PLCB1: variants seen among roughly 807,000 people sequenced by gnomAD.
PLCB1 encodes the protein phospholipase C beta 1.
A neutral mutation model predicts 161.8 loss-of-function variants in PLCB1; 46 were observed. The observed-to-expected ratio is 0.28, with a 90% CI of 0.22 to 0.36. The LOEUF (loss-of-function observed/expected upper bound fraction) is 0.36, where lower values mean the gene tolerates loss of function less well. Ranked by LOEUF, PLCB1 falls within the 10% of genes least tolerant of loss-of-function variation. PLCB1 has a pLI of 1.00. For synonymous variants in PLCB1, 517 were observed against 503.7 expected, an observed-to-expected ratio of 1.03 and a Z score of -0.35; for missense variants, 1,016 against 1,472.5, an observed-to-expected ratio of 0.69 and a Z score of 5.07.
At chr20:8,581,155 C>A (rs980951287) in intron 3 of PLCB1, among the ~76,000 whole-genome samples, 1 of 152,180 alleles carries the variant, frequency 6.6e-6, no homozygotes, top group African/African-American at 2.4e-5. Flanking sequence ...CTATGAAGGA[C>A]TTTAAGTTCT....
At chr20:8,199,957 A>C (rs1427353703) in intron 2 of PLCB1, among the ~76,000 whole-genome samples, 1 of 152,132 alleles carries the variant, frequency 6.6e-6, no homozygotes, top group Non-Finnish European at 1.5e-5. Context: ...ATACTGCCTA[A>C]GTTTACATAG....
intron 4 of PLCB1, among the ~76,000 whole-genome samples, chr20:8,630,634 T>G (rs1988555929): frequency 6.6e-6 from 1 of 152,198 alleles, no homozygotes; most frequent in East Asian, 1.9e-4. Context: ...AAAAAACAGA[T>G]TCTAAGTGTT....
rs1210093837 is a variant in PLCB1 at position 8,684,389 on chromosome 20, T to TG, written c.863-541dup. Among the ~76,000 whole-genome samples, 4 of 151,946 alleles carry TG rather than the reference T, an allele frequency of 2.6e-5. No homozygotes were observed. In the East Asian group the frequency reaches 7.7e-4, roughly 29 times the overall value. Reference sequence around the variant, plus strand: ...CTCCTGCCTCAGCCTCCTGAGTAGCTGGATTACAGGCGCCCACCATGCCCG... The same window carrying TG: ...CTCCTGCCTCAGCCTCCTGAGTAGCTGGGATTACAGGCGCCCACCATGCCCG... On this transcript the variant is annotated intron_variant, in intron 9 of 31. Transcript: ENST00000338037.
chr20:8,270,962 A>G (rs538889648), intron 2 of PLCB1, among the ~76,000 whole-genome samples: 1 of 152,118 alleles, frequency 6.6e-6, no homozygotes, highest in South Asian at 2.1e-4. Flanking sequence ...AACCTACGCA[A>G]ATATGGAAGA....
intron 23 of PLCB1, among the ~76,000 whole-genome samples, chr20:8,749,491 T>C (rs943555650): frequency 6.6e-6 from 1 of 152,228 alleles, no homozygotes; most frequent in Non-Finnish European, 1.5e-5. Flanking sequence ...ATCTCAAAGA[T>C]ATATTTCCAC....
chr20:8,719,767 G>A (rs1164848631), intron 14 of PLCB1, among the ~76,000 whole-genome samples: 4 of 151,940 alleles, frequency 2.6e-5, no homozygotes, highest in Non-Finnish European at 5.9e-5. Flanking sequence ...TTGCACTGTG[G>A]ACTTACGACG....
At chr20:8,306,803 C>T (rs1321789193) in intron 2 of PLCB1, among the ~76,000 whole-genome samples, 1 of 152,110 alleles carries the variant, frequency 6.6e-6, no homozygotes, top group Non-Finnish European at 1.5e-5. Flanking sequence ...CACTTGGAGG[C>T]GGTGACTCTT....
rs1047383 is a variant in PLCB1, at chr20:8,884,359, C to T, written c.*2510C>T. On this transcript the variant is annotated 3_prime_UTR_variant, in exon 32 of 32. Coordinates refer to ENST00000338037, the MANE Select transcript of PLCB1 (RefSeq NM_015192.4). ...GTTCTTTGTCGAATGTGTGAAATTC[C>T]GTACTGTGGTTTTTCCTATAATAGA... 0.56 allele frequency: 85,555 copies of T among 152,276 alleles called. 24,337 individuals are homozygous for T. The highest frequency in any genetic ancestry group is 0.66 in the South Asian group (3,160 of 4,820). 9.4% of individuals were successfully genotyped at this position (152,276 alleles called of 1,614,324 possible). A position where few individuals can be genotyped will look rare whatever the true frequency, so the allele number is the denominator to read the frequency against.
chr20:8,542,994 T>C (rs145778798), intron 3 of PLCB1, among the ~76,000 whole-genome samples: 30 of 152,286 alleles, frequency 2.0e-4, no homozygotes, highest in Admixed American at 4.6e-4. Context: ...GAGAATACAG[T>C]GGTAAACAGA....
At chr20:8,673,572 C>A (rs1165673140) in intron 9 of PLCB1, among the ~76,000 whole-genome samples, 2 of 152,140 alleles carry the variant, frequency 1.3e-5, no homozygotes, top group Non-Finnish European at 2.9e-5. Context: ...GCCAGCGAGG[C>A]CTCTTGGTTC....
chr20:8,821,748 C>T (rs947261624), intron 31 of PLCB1, among the ~76,000 whole-genome samples: 12 of 151,764 alleles, frequency 7.9e-5, no homozygotes, highest in Admixed American at 2.0e-4. Flanking sequence ...GCCACTACCC[C>T]GCTCTGTGGG....
chr20:8,257,609 G>A (rs1981493289), intron 2 of PLCB1, among the ~76,000 whole-genome samples: 1 of 152,108 alleles, frequency 6.6e-6, no homozygotes, highest in African/African-American at 2.4e-5. Flanking sequence ...GGATAATAAT[G>A]GTTCCTACGT....
chr20:8,221,036 A>G (rs1216018057), intron 2 of PLCB1, among the ~76,000 whole-genome samples: 1 of 152,182 alleles, frequency 6.6e-6, no homozygotes, highest in Non-Finnish European at 1.5e-5. Flanking sequence ...CCCACCTGTA[A>G]ACTCCAAGTG....
intron 31 of PLCB1, among the ~76,000 whole-genome samples, chr20:8,820,860 TA>T (rs1404496436): frequency 6.6e-6 from 1 of 152,100 alleles, no homozygotes; most frequent in East Asian, 1.9e-4. Context: ...AATATTTAGT[TA>T]AAAAAACAAG....
At chr20:8,465,544 A>T (rs1981780669) in intron 3 of PLCB1, among the ~76,000 whole-genome samples, 1 of 152,140 alleles carries the variant, frequency 6.6e-6, no homozygotes, top group Non-Finnish European at 1.5e-5. Context: ...GCTCCAACTC[A>T]CACATTTGAA....
intron 12 of PLCB1, among the ~76,000 whole-genome samples, chr20:8,715,367 T>C (rs916052648): frequency 1.2e-4 from 19 of 152,232 alleles, no homozygotes; most frequent in Non-Finnish European, 4.4e-5. Flanking sequence ...GACGCCGCCT[T>C]GTAACAGTGG....
intron 2 of PLCB1, among the ~76,000 whole-genome samples, chr20:8,170,346 T>G (rs1293392845): frequency 6.6e-6 from 1 of 152,130 alleles, no homozygotes; most frequent in South Asian, 2.1e-4. Context: ...TGTCATAAAC[T>G]CTATTTAAAA....
At chr20:8,677,777 A>T (rs746189105) in intron 9 of PLCB1, among the ~76,000 whole-genome samples, 68 of 152,216 alleles carry the variant, frequency 4.5e-4, no homozygotes, top group Non-Finnish European at 8.5e-4. Flanking sequence ...GTGTCCAGCA[A>T]AACTAGCAAT....
chr20:8,264,510 T>G (rs534150094), intron 2 of PLCB1, among the ~76,000 whole-genome samples: 1 of 152,356 alleles, frequency 6.6e-6, no homozygotes, highest in South Asian at 2.1e-4. Flanking sequence ...CATAATTTTA[T>G]GTACTAGAGT....
Sources: allele counts gnomAD v4.1 joint callset (sites outside exome capture counted in the v4.1 genomes callset), GRCh38; gene constraint gnomAD v4.1.1; transcripts MANE v1.5; gene names NCBI Gene and HGNC (gene_info 2026-07-23, HGNC 2026-07-21).